ANPEP: variants seen among roughly 807,000 people sequenced by gnomAD.
ANPEP encodes the protein aminopeptidase N.
A neutral mutation model predicts 114.6 loss-of-function variants in ANPEP; 70 were observed. That is an observed-to-expected ratio of 0.61 (90% CI 0.50 to 0.75). The LOEUF is 0.75. ANPEP is among the 30% of genes least tolerant of loss of function. The probability of loss-of-function intolerance (pLI) is 0.00; values close to 1 mark genes in which losing one functional copy is unlikely to be tolerated. For synonymous variants in ANPEP, 548 were observed against 522.3 expected, an observed-to-expected ratio of 1.05 and a Z score of -0.67; for missense variants, 1,184 against 1,259.5, an observed-to-expected ratio of 0.94 and a Z score of 0.91.
At position 89,799,930 on chromosome 15, in the gene ANPEP, C is replaced by A. The variant is rs963901260; in HGVS notation, c.1820-371G>T. ...CCACAGGCAGCTCCTCCTCTCCCTT[C>A]CCCTCCCATTCACCCAGACCCCCAG... On this transcript the variant is annotated intron_variant, in intron 12 of 20. Coordinates refer to ENST00000300060, the MANE Select transcript of ANPEP (RefSeq NM_001150.3). This position sits in a 1 kb window ranked among gnomAD's most constrained non-coding sequence, Gnocchi z 4.2. Among the ~76,000 whole-genome samples the A allele has an allele frequency of 1.3e-5, 2 of 152,198 alleles. No homozygotes were observed. Among genetic ancestry groups the A allele is most frequent in the Admixed American group, 1.3e-4 (2 of 15,282 alleles).
At chr15:89,805,595 C>A (rs1894694240) in intron 2 of ANPEP, 132 bp from the exon 3 acceptor site, 7 of 1,311,896 alleles carry the variant, frequency 5.3e-6, no homozygotes, top group Middle Eastern at 2.6e-4. Context: ...CCTGCTCCCA[C>A]CCCCGCCTCG....
Position 89,806,213 on chromosome 15 carries a change from C to T in ANPEP, c.371G>A (p.Ser124Asn), listed in dbSNP as rs1433337557. ...KEATDVIIIHSKKLNYTLSQG... is the reference protein window; with the variant it reads ...KEATDVIIIHNKKLNYTLSQG... ...GCTGAGGGTGTAGTTGAGCTTCTTG[C>T]TGTGGATGATGATGACGTCAGTGGC... is the stretch of plus-strand genomic sequence containing the variant. The change falls in exon 2 of 21, where the codon AGC becomes AAC. Residue 124 changes from serine to asparagine, a missense_variant. Coordinates refer to ENST00000300060, the MANE Select transcript of ANPEP (RefSeq NM_001150.3). This position sits in a 1 kb window ranked among gnomAD's most constrained non-coding sequence, Gnocchi z 5.7. 1 of 1,614,090 alleles carries T rather than the reference C, an allele frequency of 6.2e-7. No homozygotes were observed.
intron 1 of ANPEP, among the ~76,000 whole-genome samples, chr15:89,807,485 G>C (rs1343681882): frequency 6.6e-6 from 1 of 152,188 alleles, no homozygotes; most frequent in African/African-American, 2.4e-5. Flanking sequence ...TGGATCACGA[G>C]GTTAGGAGTT....
Position 89,805,302 on chromosome 15 carries a change from G to T in ANPEP, c.757+19C>A. 5 of 1,612,900 alleles carry T rather than the reference G, an allele frequency of 3.1e-6. No individual in the cohort carries two copies. Among genetic ancestry groups the T allele is most frequent in the East Asian group, 2.2e-5 (1 of 44,854 alleles). The stretch of plus-strand genomic sequence containing the variant: ...GTGCCTGCCCCCTGGCCCTGTGGCC[G>T]CAGGCAGGGCCCACTCACCTTTGGG... On this transcript the variant is annotated intron_variant, in intron 3 of 20. Transcript: ENST00000300060.
At chr15:89,805,538 T>C in intron 2 of ANPEP, 75 bp from the exon 3 acceptor site, 1 of 1,574,252 alleles carries the variant, frequency 6.4e-7, no homozygotes, top group Non-Finnish European at 8.6e-7. Flanking sequence ...CTACCAGGCA[T>C]GCAGGGAAAG....
At chr15:89,796,484 C>CT (rs35626130) in intron 15 of ANPEP, among the ~76,000 whole-genome samples, 36 of 148,920 alleles carry the variant, frequency 2.4e-4, no homozygotes, top group South Asian at 2.1e-4. Flanking sequence ...GATAATTGAA[C>CT]TTTTTTTTTT....
chr15:89,803,574 C>T lies in ANPEP; in HGVS notation c.1438-67G>A, dbSNP rs768079980. On this transcript the variant is annotated intron_variant, in intron 8 of 20. Transcript: ENST00000300060. The surrounding 1 kb of genome is among the most constrained non-coding windows in gnomAD (Gnocchi z 4.2). Reference sequence around the variant, plus strand: ...CCACCAGGACCCTGTGCCCCCAGACCCTGCCTTCAGTGAGGCCCCTCCAGG... The same window carrying T: ...CCACCAGGACCCTGTGCCCCCAGACTCTGCCTTCAGTGAGGCCCCTCCAGG... 6 of 1,601,290 alleles carry T rather than the reference C, an allele frequency of 3.7e-6. No homozygotes were observed. In the East Asian group the frequency reaches 6.7e-5, roughly 18 times the overall value.
At chr15:89,800,967 C>A in intron 12 of ANPEP, 144 bp downstream of exon 12, 1 of 691,816 alleles carries the variant, frequency 1.4e-6, no homozygotes, top group Admixed American at 2.6e-5. Flanking sequence ...AGTCACACAG[C>A]GAAGCAGCAG....
intron 1 of ANPEP, among the ~76,000 whole-genome samples, chr15:89,808,745 G>A (rs1894768490): frequency 1.3e-5 from 2 of 152,168 alleles, no homozygotes; most frequent in South Asian, 4.1e-4. Flanking sequence ...CTCCCTGAGG[G>A]CCTCACTCGT....
intron 4 of ANPEP, 92 bp from the exon 5 acceptor site, chr15:89,804,709 C>T (rs1894673950): frequency 1.3e-6 from 2 of 1,516,480 alleles, no homozygotes; most frequent in Non-Finnish European, 1.8e-6. Flanking sequence ...CTGGGGGGAT[C>T]CCTGATGGGC....
intron 1 of ANPEP, among the ~76,000 whole-genome samples, chr15:89,811,551 C>A (rs1894815560): frequency 6.6e-6 from 1 of 150,830 alleles, no homozygotes; most frequent in African/African-American, 2.4e-5. Context: ...GAGGCTGAGG[C>A]AGGAGAATGG....
intron 20 of ANPEP, 136 bp downstream of exon 20, chr15:89,790,324 G>T: frequency 1.9e-5 from 13 of 670,170 alleles, no homozygotes; most frequent in South Asian, 3.8e-5. Context: ...CTGGCTACTC[G>T]GCTTCCTCTG....
At position 89,806,756 on chromosome 15, in the gene ANPEP, C is replaced by T; in HGVS notation, c.-173G>A. The T allele has an allele frequency of 6.6e-6, 7 of 1,053,916 alleles. No homozygotes were observed. The highest frequency in any genetic ancestry group is 9.2e-6 in the Non-Finnish European group (7 of 757,064). 65.3% of individuals were successfully genotyped at this position (1,053,916 alleles called of 1,614,324 possible). On this transcript the variant is annotated 5_prime_UTR_variant, in exon 2 of 21. Coordinates refer to ENST00000300060, the MANE Select transcript of ANPEP (RefSeq NM_001150.3). The surrounding 1 kb of genome is among the most constrained non-coding windows in gnomAD (Gnocchi z 5.7). ...TGGACTGGGCAGGGGCACGCTCCGC[C>T]TGGGGAGAGGAGATCCAGGAACGGT...
At position 89,803,354 on chromosome 15, in the gene ANPEP, C is replaced by A; in HGVS notation, c.1504-50G>T. 1.2e-6 allele frequency: 2 copies of A among 1,613,396 alleles called. No individual in the cohort carries two copies. The highest frequency in any genetic ancestry group is 1.7e-6 in the Non-Finnish European group (2 of 1,179,338). ...GAGCACAGCTGGAGCCCCCCAGGCT[C>A]CCCCTCTGTGGTGGGCAGAGGCCCG... is the stretch of plus-strand genomic sequence containing the variant. On this transcript the variant is annotated intron_variant, in intron 9 of 20. Coordinates refer to ENST00000300060, the MANE Select transcript of ANPEP (RefSeq NM_001150.3). The surrounding 1 kb of genome is among the most constrained non-coding windows in gnomAD (Gnocchi z 4.2).
chr15:89,794,919 T>G (rs1968700489), intron 15 of ANPEP, among the ~76,000 whole-genome samples: 1 of 152,168 alleles, frequency 6.6e-6, no homozygotes, highest in Non-Finnish European at 1.5e-5. Context: ...GAAGAGTTAC[T>G]TGGCCACCCA....
Position 89,799,064 on chromosome 15 carries a change from G to A in ANPEP, c.2009+196C>T, listed in dbSNP as rs1894531317. On this transcript the variant is annotated intron_variant, in intron 14 of 20. Coordinates refer to ENST00000300060, the MANE Select transcript of ANPEP (RefSeq NM_001150.3). This position sits in a 1 kb window ranked among gnomAD's most constrained non-coding sequence, Gnocchi z 4.2. Reference sequence around the variant, plus strand: ...CTGTCATGAACTACTGTGTGACTTCGGGCAAGGTGTCACATTCTTCATCTG... The same window carrying A: ...CTGTCATGAACTACTGTGTGACTTCAGGCAAGGTGTCACATTCTTCATCTG... 6.6e-6 allele frequency among the ~76,000 whole-genome samples: 1 copy of A among 152,168 alleles called. No individual in the cohort carries two copies. Among genetic ancestry groups the A allele is most frequent in the African/African-American group, 2.4e-5 (1 of 41,442 alleles).
At chr15:89,788,757 T>A (rs975809964) in intron 20 of ANPEP, among the ~76,000 whole-genome samples, 1 of 147,928 alleles carries the variant, frequency 6.8e-6, no homozygotes, top group South Asian at 2.2e-4. Flanking sequence ...TGCACCACCA[T>A]GCCCAGCTTA....
chr15:89,786,213 G>A (rs1437648737), intron 20 of ANPEP, among the ~76,000 whole-genome samples: 1 of 152,044 alleles, frequency 6.6e-6, no homozygotes, highest in East Asian at 1.9e-4. Context: ...ATAAGTGCAA[G>A]ACTGGAATGC....
At chr15:89,790,833 G>T in intron 19 of ANPEP, 120 bp downstream of exon 19, 1 of 1,305,482 alleles carries the variant, frequency 7.7e-7, no homozygotes, top group Non-Finnish European at 1.1e-6. Flanking sequence ...TAGCCCCCAG[G>T]CTTGGCTGAT....
Sources: allele counts gnomAD v4.1 joint callset (sites outside exome capture counted in the v4.1 genomes callset), GRCh38; gene constraint gnomAD v4.1.1; non-coding constraint Gnocchi (gnomAD v3.1); transcripts MANE v1.5; gene names NCBI Gene and HGNC (gene_info 2026-07-23, HGNC 2026-07-21).